MAN2A1: variants seen among roughly 807,000 people sequenced by gnomAD.
The protein encoded by MAN2A1 is alpha-mannosidase 2.
In MAN2A1, 76 loss-of-function variants were observed where a neutral mutation model predicts 142.6. The observed-to-expected ratio is 0.53, with a 90% CI of 0.44 to 0.65. The LOEUF is 0.65. Among genes scored for constraint, MAN2A1 ranks in the 30% least tolerant of loss-of-function variants. The probability of loss-of-function intolerance (pLI) is 0.00; values close to 1 mark genes in which losing one functional copy is unlikely to be tolerated. For synonymous variants in MAN2A1, 559 were observed against 473.2 expected (o/e 1.18, Z -2.35); for missense variants, 1,311 against 1,365.1 (o/e 0.96, Z 0.62).
rs1449326422 is a variant in MAN2A1, at chr5:109,789,537, T to C, written c.1943+10T>C. On this transcript the variant is annotated intron_variant, in intron 12 of 21. Transcript: ENST00000261483. ...TGAGTGCGGAGCCAAGGTAAATTCA[T>C]AATTTCTTACAAATGTTTACCACTT... 1.9e-6 allele frequency: 3 copies of C among 1,547,614 alleles called. No individual in the cohort carries two copies. The highest frequency in any genetic ancestry group is 2.4e-5 in the South Asian group (2 of 81,824).
intron 1 of MAN2A1, chr5:109,699,942 C>T (rs969219339): frequency 1.3e-5 from 2 of 152,170 alleles, no homozygotes; most frequent in African/African-American, 4.8e-5. Context: ...GGTAGTTTGG[C>T]TTCATAAGAA....
intron 4 of MAN2A1, among the ~76,000 whole-genome samples, chr5:109,732,000 T>C (rs910665131): frequency 1.3e-5 from 2 of 152,016 alleles, no homozygotes; most frequent in Admixed American, 1.3e-4. Flanking sequence ...TGTTCCCATT[T>C]CTCCACATCC....
At chr5:109,758,890 CAGTT>C (rs984997482) in intron 5 of MAN2A1, among the ~76,000 whole-genome samples, 1 of 151,922 alleles carries the variant, frequency 6.6e-6, no homozygotes, top group Non-Finnish European at 1.5e-5. Flanking sequence ...CACTTGTTAA[CAGTT>C]AGTTAACCAT....
At chr5:109,797,636 T>C (rs1198798078) in intron 12 of MAN2A1, among the ~76,000 whole-genome samples, 2 of 151,954 alleles carry the variant, frequency 1.3e-5, no homozygotes, top group Non-Finnish European at 2.9e-5. Flanking sequence ...GAGGCAATGA[T>C]CAAAGATATA....
At chr5:109,696,774 C>G (rs1184553575) in intron 1 of MAN2A1, among the ~76,000 whole-genome samples, 1 of 152,146 alleles carries the variant, frequency 6.6e-6, no homozygotes, top group East Asian at 1.9e-4. Context: ...CAGTACATGT[C>G]GTTAGCACTT....
At chr5:109,716,097 T>A in intron 2 of MAN2A1, 23 bp from the exon 3 acceptor site, 3 of 1,525,420 alleles carry the variant, frequency 2.0e-6, no homozygotes, top group Non-Finnish European at 2.7e-6. Flanking sequence ...TAAACTTTAA[T>A]TTTTTTTCTT....
In MAN2A1 at chr5:109,758,522, G is replaced by T. The variant is rs186874261; in HGVS notation, c.835+3066G>T. 4.1e-4 allele frequency among the ~76,000 whole-genome samples: 62 copies of T among 151,404 alleles called. 1 individual carries two copies. Among genetic ancestry groups the T allele is most frequent in the Middle Eastern group, 6.9e-3 (2 of 290 alleles). On this transcript the variant is annotated intron_variant, in intron 5 of 21. Coordinates refer to ENST00000261483, the MANE Select transcript of MAN2A1 (RefSeq NM_002372.4). ...TTAGTGCACAAGTTTTAATTTTGAG[G>T]AAGTTTTTCTTCTGTTGCTTGTGCT...
chr5:109,725,956 G>C (rs1433867700), intron 3 of MAN2A1, among the ~76,000 whole-genome samples: 1 of 151,966 alleles, frequency 6.6e-6, no homozygotes, highest in Non-Finnish European at 1.5e-5. Flanking sequence ...TGCCTGCTTT[G>C]TGGAACTTGT....
At chr5:109,714,093 C>A (rs1322466097) in intron 2 of MAN2A1, among the ~76,000 whole-genome samples, 1 of 151,322 alleles carries the variant, frequency 6.6e-6, no homozygotes, top group African/African-American at 2.4e-5. Context: ...TTTTTTTTTA[C>A]CTTCCTTTGG....
At chr5:109,717,255 A>T (rs1751482777) in intron 3 of MAN2A1, among the ~76,000 whole-genome samples, 2 of 151,926 alleles carry the variant, frequency 1.3e-5, no homozygotes, top group South Asian at 2.1e-4. Flanking sequence ...CCATTAGTTT[A>T]TTGGCAGATA....
chr5:109,711,756 G>A (rs1375845485), intron 1 of MAN2A1, among the ~76,000 whole-genome samples: 1 of 152,126 alleles, frequency 6.6e-6, no homozygotes, highest in Non-Finnish European at 1.5e-5. Flanking sequence ...GTGCAGTGGG[G>A]CTTGTCTTTC....
chr5:109,778,442 A>T (rs1459648338), intron 8 of MAN2A1, among the ~76,000 whole-genome samples: 1 of 152,124 alleles, frequency 6.6e-6, no homozygotes, highest in African/African-American at 2.4e-5. Flanking sequence ...TTTCTAAGAG[A>T]GAAAACATTC....
chr5:109,744,051 G>C (rs1752338096), intron 4 of MAN2A1, among the ~76,000 whole-genome samples: 1 of 152,154 alleles, frequency 6.6e-6, no homozygotes, highest in East Asian at 1.9e-4. Context: ...CTTTTGTGCA[G>C]TGGATAATTT....
rs145310797 is a variant in MAN2A1 at position 109,716,770 on chromosome 5, G to C, written c.535+506G>C. ...ATCAGTGTTAGATGACTTTAGGCAA[G>C]TTACTTAATCCCTCTGAGACCAAGT... is the stretch of plus-strand genomic sequence containing the variant. On this transcript the variant is annotated intron_variant, in intron 3 of 21. Transcript: ENST00000261483. Among the ~76,000 whole-genome samples, 42 of 152,312 alleles carry C rather than the reference G, an allele frequency of 2.8e-4. No homozygotes were observed. The East Asian group carries it at 6.4e-3, about 23-fold the overall frequency.
At chr5:109,733,600 T>G (rs1223290955) in intron 4 of MAN2A1, among the ~76,000 whole-genome samples, 1 of 152,194 alleles carries the variant, frequency 6.6e-6, no homozygotes, top group East Asian at 1.9e-4. Flanking sequence ...AAAGGCCTTT[T>G]CTGCATCTAT....
chr5:109,810,147 T>TA (rs1414233197), intron 12 of MAN2A1, among the ~76,000 whole-genome samples: 1 of 152,076 alleles, frequency 6.6e-6, no homozygotes, highest in Non-Finnish European at 1.5e-5. Context: ...ATATTAATTA[T>TA]AATTTTAAAG....
chr5:109,708,362 T>C (rs1031587238), intron 1 of MAN2A1, among the ~76,000 whole-genome samples: 1 of 152,028 alleles, frequency 6.6e-6, no homozygotes, highest in Admixed American at 6.6e-5. Context: ...AATGGGCAGA[T>C]GAATGAATGG....
At chr5:109,738,928 C>T (rs551523481) in intron 4 of MAN2A1, among the ~76,000 whole-genome samples, 11 of 152,244 alleles carry the variant, frequency 7.2e-5, no homozygotes, top group African/African-American at 2.4e-4. Flanking sequence ...ACTGCAGTCT[C>T]AACCTCCTGG....
intron 16 of MAN2A1, among the ~76,000 whole-genome samples, chr5:109,824,936 A>G (rs1013402030): frequency 6.6e-6 from 1 of 152,200 alleles, no homozygotes; most frequent in African/African-American, 2.4e-5. Flanking sequence ...AGGTAATAAT[A>G]TGATAGGTTT....
Sources: allele counts gnomAD v4.1 joint callset (sites outside exome capture counted in the v4.1 genomes callset), GRCh38; gene constraint gnomAD v4.1.1; transcripts MANE v1.5; gene names NCBI Gene and HGNC (gene_info 2026-07-23, HGNC 2026-07-21).